The following CTNNA3 variants were observed in gnomAD, a reference collection of about 807,000 sequenced individuals.
The protein encoded by CTNNA3 is catenin alpha-3.
CTNNA3 carries 76 observed loss-of-function variants against 95.7 expected under a neutral mutation model. The ratio of observed to expected loss-of-function variants is 0.79; its 90% CI spans 0.66 to 0.96. The LOEUF (loss-of-function observed/expected upper bound fraction) is 0.96, where lower values mean the gene tolerates loss of function less well. CTNNA3 is among the 40% of genes least tolerant of loss of function. CTNNA3 has a pLI of 0.00. For synonymous variants in CTNNA3, 431 were observed against 374.4 expected (o/e 1.15, Z -1.74); for missense variants, 1,191 against 1,089.8 (o/e 1.09, Z -1.31).
chr10:66,059,169 G>A lies in CTNNA3; in HGVS notation c.2159+10139C>T, dbSNP rs1190668289. 2.0e-5 allele frequency among the ~76,000 whole-genome samples: 3 copies of A among 152,042 alleles called. No homozygotes were observed. The East Asian group carries it at 5.8e-4, about 29-fold the overall frequency. On this transcript the variant is annotated intron_variant, in intron 15 of 17. Transcript: ENST00000433211. ...ATATTTTCAGAGGGGGGAGTATCAG[G>A]AAGGAATTAGCCCCATTTTGGTAAG...
At chr10:66,375,694 G>T (rs2092791806) in intron 12 of CTNNA3, among the ~76,000 whole-genome samples, 1 of 152,060 alleles carries the variant, frequency 6.6e-6, no homozygotes, top group African/African-American at 2.4e-5. Context: ...TGCTATTAAA[G>T]TTTTTTCAAA....
intron 12 of CTNNA3, among the ~76,000 whole-genome samples, chr10:66,375,507 G>A (rs1045322553): frequency 8.6e-5 from 13 of 151,744 alleles, no homozygotes; most frequent in African/African-American, 1.2e-4. Context: ...AAACACTGCC[G>A]GACTGCAGAG....
At chr10:67,649,271 A>C (rs1191270588) in intron 1 of CTNNA3, among the ~76,000 whole-genome samples, 1 of 152,212 alleles carries the variant, frequency 6.6e-6, no homozygotes, top group African/African-American at 2.4e-5. Context: ...TGTCATTTTC[A>C]CCGTGAAATT....
chr10:67,360,019 T>C (rs985834659), intron 5 of CTNNA3, among the ~76,000 whole-genome samples: 6 of 152,148 alleles, frequency 3.9e-5, no homozygotes, highest in Non-Finnish European at 5.9e-5. Context: ...AGGTTTCTAC[T>C]TTTCAAGCAA....
At chr10:66,781,963 C>T (rs1840553074) in intron 7 of CTNNA3, among the ~76,000 whole-genome samples, 1 of 152,076 alleles carries the variant, frequency 6.6e-6, no homozygotes, top group Admixed American at 6.6e-5. Flanking sequence ...CAGACTTAAG[C>T]CACCATACCA....
intron 14 of CTNNA3, chr10:66,085,090 A>T (rs1459553070): frequency 6.6e-6 from 1 of 152,156 alleles, no homozygotes; most frequent in Non-Finnish European, 1.5e-5. Context: ...CTTGCAAAGA[A>T]TCCCTTGTCT....
At chr10:67,517,330 A>C (rs192944499) in intron 5 of CTNNA3, among the ~76,000 whole-genome samples, 196 of 152,206 alleles carry the variant, frequency 1.3e-3, no homozygotes, top group Non-Finnish European at 2.0e-3. Flanking sequence ...GTAGAATTTT[A>C]TTTTTCAATT....
At chr10:66,770,831 A>G (rs567934527) in intron 8 of CTNNA3, among the ~76,000 whole-genome samples, 1 of 45,804 alleles carries the variant, frequency 2.2e-5, no homozygotes, top group East Asian at 3.6e-3. Flanking sequence ...ATGTTAAAAT[A>G]TTGTATTAAA....
chr10:67,290,541 T>G (rs1839795072), intron 5 of CTNNA3, among the ~76,000 whole-genome samples: 1 of 152,198 alleles, frequency 6.6e-6, no homozygotes, highest in African/African-American at 2.4e-5. Flanking sequence ...AAGCATTTTA[T>G]GTGTATTATC....
At chr10:67,395,835 T>C (rs75000210) in intron 5 of CTNNA3, among the ~76,000 whole-genome samples, 2,012 of 152,304 alleles carry the variant, frequency 0.013, 15 homozygotes, top group Non-Finnish European at 0.018. Flanking sequence ...TTCCCTACTT[T>C]ACAAACAAGA....
At chr10:66,720,198 A>T (rs1848581360) in intron 9 of CTNNA3, among the ~76,000 whole-genome samples, 2 of 152,154 alleles carry the variant, frequency 1.3e-5, no homozygotes, top group African/African-American at 4.8e-5. Flanking sequence ...AAAAAAAATG[A>T]AAGAGAGAAG....
At chr10:66,003,928 C>T (rs991456771) in intron 15 of CTNNA3, among the ~76,000 whole-genome samples, 3 of 152,174 alleles carry the variant, frequency 2.0e-5, no homozygotes, top group South Asian at 2.1e-4. Flanking sequence ...CCCATAATTG[C>T]GCACATCACA....
At chr10:67,223,885 T>C (rs1298058278) in intron 5 of CTNNA3, among the ~76,000 whole-genome samples, 1 of 152,188 alleles carries the variant, frequency 6.6e-6, no homozygotes, top group Non-Finnish European at 1.5e-5. Context: ...TAGAGGACAG[T>C]CTCTCAGTTT....
At chr10:66,870,928 C>A (rs1252179328) in intron 7 of CTNNA3, among the ~76,000 whole-genome samples, 1 of 152,164 alleles carries the variant, frequency 6.6e-6, no homozygotes, top group African/African-American at 2.4e-5. Context: ...AGCTAAAAAA[C>A]CACTATGCAA....
In CTNNA3 at chr10:66,574,358, T is replaced by C. The variant is rs1842947074; in HGVS notation, c.1374+47334A>G. On this transcript the variant is annotated intron_variant, in intron 10 of 17. Transcript: ENST00000433211. ...GAAAAATCCAGAAAGATATGAAAGG[T>C]GAGCAAAGGTTCTACCATGTTTTTG... Among the ~76,000 whole-genome samples the C allele has an allele frequency of 2.6e-5, 4 of 152,066 alleles. No homozygotes were observed. The South Asian group carries it at 8.3e-4, about 32-fold the overall frequency.
chr10:67,710,163 C>T (rs951468330), intron 1 of CTNNA3, among the ~76,000 whole-genome samples: 14 of 151,740 alleles, frequency 9.2e-5, no homozygotes, highest in African/African-American at 2.9e-4. Flanking sequence ...GAAGGGAGAG[C>T]GATAAAGGAA....
chr10:67,358,486 A>G (rs1842892630), intron 5 of CTNNA3, among the ~76,000 whole-genome samples: 1 of 152,154 alleles, frequency 6.6e-6, no homozygotes, highest in African/African-American at 2.4e-5. Flanking sequence ...CCCAGTTTGA[A>G]GAAGGAGGAA....
intron 5 of CTNNA3, among the ~76,000 whole-genome samples, chr10:67,384,078 T>A (rs2132740473): frequency 6.6e-6 from 1 of 152,324 alleles, no homozygotes; most frequent in Non-Finnish European, 1.5e-5. Flanking sequence ...GTTTTGCTCC[T>A]TATCATTACT....
chr10:66,511,643 T>A (rs1213889988), intron 11 of CTNNA3, among the ~76,000 whole-genome samples: 3 of 151,938 alleles, frequency 2.0e-5, no homozygotes, highest in African/African-American at 7.2e-5. Context: ...AGGAGAATGT[T>A]GTTTAATTTT....
Sources: gnomAD v4.1 joint callset for allele counts (sites outside exome capture counted in the v4.1 genomes callset) on GRCh38, gnomAD v4.1.1 for gene constraint, MANE v1.5 for transcripts, NCBI Gene and HGNC (gene_info 2026-07-23, HGNC 2026-07-21) for gene names.